Variants in RASSF6 observed in about 807,000 individuals in gnomAD.
RASSF6 encodes Ras association domain family member 6, also known as ras association domain-containing protein 6.
Under a neutral mutation model 44.0 loss-of-function variants are expected in RASSF6, and 52 were observed. The observed-to-expected ratio is 1.18, with a 90% CI of 0.95 to 1.49. The LOEUF (loss-of-function observed/expected upper bound fraction) is 1.49, where lower values mean the gene tolerates loss of function less well. RASSF6 is among the 40% of genes most tolerant of loss of function. The pLI is 0.00. For missense variants in RASSF6, 464 were observed against 393.3 expected, an observed-to-expected ratio of 1.18 and a Z score of -1.52; for synonymous variants, 162 against 124.6, an observed-to-expected ratio of 1.30 and a Z score of -2.00.
intron 2 of RASSF6, among the ~76,000 whole-genome samples, chr4:73,602,259 T>C (rs894906306): frequency 2.0e-5 from 3 of 152,124 alleles, no homozygotes; most frequent in African/African-American, 7.2e-5. Flanking sequence ...ATGATGATAC[T>C]AAGGATCACT....
chr4:73,593,666 T>G (rs1381264294), intron 3 of RASSF6, 73 bp from the exon 4 acceptor site: 1 of 1,475,428 alleles, frequency 6.8e-7, no homozygotes, highest in Non-Finnish European at 9.3e-7. Flanking sequence ...AACGAAGATG[T>G]AGAAATTAAG....
At chr4:73,600,538 C>T (rs1273199395) in intron 2 of RASSF6, among the ~76,000 whole-genome samples, 1 of 152,166 alleles carries the variant, frequency 6.6e-6, no homozygotes. Flanking sequence ...GTTCCTGGTT[C>T]TCAGAGCAGA....
At position 73,584,797 on chromosome 4, in the gene RASSF6, T is replaced by C. The variant is rs916067173; in HGVS notation, c.567+383A>G. The stretch of plus-strand genomic sequence containing the variant: ...ATGTTTTTAATACTTGGCACAGTGA[T>C]AGAGTTCACCCATCATGGTGGTTAA... On this transcript the variant is annotated intron_variant, in intron 6 of 10. Transcript: ENST00000307439. Among the ~76,000 whole-genome samples the C allele has an allele frequency of 2.0e-5, 3 of 152,186 alleles. No homozygotes were observed. The South Asian group carries it at 6.2e-4, about 32-fold the overall frequency.
intron 2 of RASSF6, among the ~76,000 whole-genome samples, 164 bp from the exon 3 acceptor site, chr4:73,598,882 T>C (rs549561702): frequency 7.9e-5 from 12 of 152,344 alleles, no homozygotes; most frequent in African/African-American, 2.6e-4. Flanking sequence ...GGAAGCATTC[T>C]TAAAATATCA....
At chr4:73,586,911 G>GAA (rs33997624) in intron 5 of RASSF6, among the ~76,000 whole-genome samples, 38,085 of 138,846 alleles carry the variant, frequency 0.27, 5,140 homozygotes, top group Middle Eastern at 0.38. Context: ...AGAATGATTT[G>GAA]AAAAAAAAAA....
rs1722921827 is a variant in RASSF6, at chr4:73,571,550, T to A, written c.*4685A>T. The A allele has an allele frequency of 6.6e-6, 1 of 150,574 alleles. No homozygotes were observed. The highest frequency in any genetic ancestry group is 2.5e-5 in the African/African-American group (1 of 40,092). The allele number at this position is 150,574 out of a possible 1,614,324, so 9.3% of individuals were successfully genotyped here. A position where few individuals can be genotyped will look rare whatever the true frequency, so the allele number is the denominator to read the frequency against. ...TACCACTATATCAGGGAAAAACATA[T>A]ATATATATATAATGTTTAATATTTT... On this transcript the variant is annotated 3_prime_UTR_variant, in exon 11 of 11. Transcript: ENST00000307439.
intron 3 of RASSF6, among the ~76,000 whole-genome samples, chr4:73,596,511 G>A (rs1724953744): frequency 6.6e-6 from 1 of 152,170 alleles, no homozygotes; most frequent in South Asian, 2.1e-4. Flanking sequence ...CCATGATCAT[G>A]GATAGGAAGA....
At chr4:73,619,481 C>A (rs997962640) in intron 1 of RASSF6, among the ~76,000 whole-genome samples, 1 of 152,302 alleles carries the variant, frequency 6.6e-6, no homozygotes, top group African/African-American at 2.4e-5. Context: ...TCCCTGATAA[C>A]GGCCCCTTTG....
chr4:73,579,889 T>C (rs1377608143), intron 8 of RASSF6, among the ~76,000 whole-genome samples: 1 of 151,968 alleles, frequency 6.6e-6, no homozygotes, highest in African/African-American at 2.4e-5. Flanking sequence ...ATTATTATTA[T>C]ACTTTAAGTT....
rs1438624384 is a variant in RASSF6 at position 73,573,961 on chromosome 4, G to A, written c.*2274C>T. On this transcript the variant is annotated 3_prime_UTR_variant, in exon 11 of 11. Transcript: ENST00000307439. ...CAGGCTGACAGGCCAGGCTACTGGAGAGCAGGCTTTTTTCCTTCACTACTT... is the reference window on the plus strand; with the variant it reads ...CAGGCTGACAGGCCAGGCTACTGGAAAGCAGGCTTTTTTCCTTCACTACTT... 6.6e-6 allele frequency: 1 copy of A among 152,290 alleles called. No homozygotes were observed. Among genetic ancestry groups the A allele is most frequent in the East Asian group, 1.9e-4 (1 of 5,204 alleles). The allele number at this position is 152,290 out of a possible 1,614,324, so 9.4% of individuals were successfully genotyped here.
rs1017330433 is a variant in RASSF6 at position 73,573,429 on chromosome 4, A to G, written c.*2806T>C. 3 of 151,940 alleles carry G rather than the reference A, an allele frequency of 2.0e-5. No homozygotes were observed. The highest frequency in any genetic ancestry group is 4.4e-5 in the Non-Finnish European group (3 of 67,968). The allele number at this position is 151,940 out of a possible 1,614,324, so 9.4% of individuals were successfully genotyped here. ...AGGCGTGAGCCACCGTCCATGGCCTATTTCCCTCTTTCATCTTTTAAAATA... is the reference window on the plus strand; with the variant it reads ...AGGCGTGAGCCACCGTCCATGGCCTGTTTCCCTCTTTCATCTTTTAAAATA... On this transcript the variant is annotated 3_prime_UTR_variant, in exon 11 of 11. Coordinates refer to ENST00000307439, the MANE Select transcript of RASSF6 (RefSeq NM_177532.5).
intron 4 of RASSF6, 68 bp from the exon 5 acceptor site, chr4:73,588,002 T>A: frequency 9.8e-7 from 1 of 1,025,514 alleles, no homozygotes; most frequent in Admixed American, 1.7e-5. Flanking sequence ...GGTTTCCAGA[T>A]TTACAATATT....
chr4:73,577,974 C>A (rs1262013340), intron 8 of RASSF6, among the ~76,000 whole-genome samples: 1 of 151,922 alleles, frequency 6.6e-6, no homozygotes, highest in Non-Finnish European at 1.5e-5. Context: ...AAGTTAAAAC[C>A]CACCTATCTC....
intron 3 of RASSF6, among the ~76,000 whole-genome samples, chr4:73,594,843 A>G (rs1315862794): frequency 2.0e-5 from 3 of 152,242 alleles, no homozygotes; most frequent in African/African-American, 4.8e-5. Context: ...CCTTTGTATC[A>G]AAAACTTATA....
chr4:73,576,262 T>C lies in RASSF6; in HGVS notation c.987A>G (p.Leu329=), dbSNP rs770891441. The C allele has an allele frequency of 1.3e-6, 2 of 1,561,240 alleles. No individual in the cohort carries two copies. The highest frequency in any genetic ancestry group is 2.2e-5 in the East Asian group (1 of 44,552). Residue 329 remains leucine (L), a synonymous_variant, in exon 11 of 11, where the codon CTA becomes CTG. Transcript: ENST00000307439. ...AAACTGTTGTCTCTGTTTTTATTAC[T>C]AGTTTATTTTGAAGACATTTCAGTA... ...AIILKCLQNK[L]VIKTETTV
In RASSF6 at chr4:73,589,533, TCA is replaced by T. The variant is rs778966452; in HGVS notation, c.288-1601_288-1600del. 5.5e-3 allele frequency among the ~76,000 whole-genome samples: 842 copies of T among 152,138 alleles called. 6 individuals are homozygous for T. The highest frequency in any genetic ancestry group is 0.019 in the African/African-American group (780 of 41,528). The stretch of plus-strand genomic sequence containing the variant: ...TCGCAGACGTGACAGCTTAGTTTTG[TCA>T]CACAAATATAGGAGGCCAAAAGTCA... On this transcript the variant is annotated intron_variant, in intron 4 of 10. Coordinates refer to ENST00000307439, the MANE Select transcript of RASSF6 (RefSeq NM_177532.5).
chr4:73,618,419 G>T (rs1726508094), intron 1 of RASSF6, among the ~76,000 whole-genome samples: 1 of 151,854 alleles, frequency 6.6e-6, no homozygotes, highest in Admixed American at 6.6e-5. Context: ...TATCTCAATT[G>T]GGGCTACTAT....
At position 73,581,816 on chromosome 4, in the gene RASSF6, C is replaced by T. The variant is rs147074403; in HGVS notation, c.721+1G>A. On this transcript the variant is annotated splice_donor_variant, in intron 8 of 10. Transcript: ENST00000307439. LOFTEE classifies it high-confidence loss of function. ...TAAAAAGTGTGATCAAGCTTTCTTA[C>T]CTCCTGTTGCAAAAATAATGTGAAG... 7 of 1,605,428 alleles carry T rather than the reference C, an allele frequency of 4.4e-6. No homozygotes were observed. The Admixed American group carries it at 6.7e-5, about 15-fold the overall frequency.
intron 8 of RASSF6, 79 bp from the exon 9 acceptor site, chr4:73,576,810 TTTCG>T (rs1192019835): frequency 1.1e-6 from 1 of 930,528 alleles, no homozygotes; most frequent in East Asian, 2.5e-5. Context: ...CCAATTTATT[TTTCG>T]TATTTAACTC....
Sources: gnomAD v4.1 joint callset for allele counts (sites outside exome capture counted in the v4.1 genomes callset) on GRCh38, gnomAD v4.1.1 for gene constraint, MANE v1.5 for transcripts, NCBI Gene and HGNC (gene_info 2026-07-23, HGNC 2026-07-21) for gene names.